The following LRRC4C variants were observed in gnomAD, a reference collection of about 807,000 sequenced individuals.
LRRC4C encodes leucine rich repeat containing 4C.
Under a neutral mutation model 33.6 loss-of-function variants are expected in LRRC4C, and 5 were observed. That is an observed-to-expected ratio of 0.15 (90% CI 0.08 to 0.31). The LOEUF (loss-of-function observed/expected upper bound fraction) is 0.31, where lower values mean the gene tolerates loss of function less well. Ranked by LOEUF, LRRC4C falls within the 10% of genes least tolerant of loss-of-function variation. The pLI is 1.00. For missense variants in LRRC4C, 560 were observed against 796.7 expected (o/e 0.70, Z 3.58); for synonymous variants, 329 against 302.0 (o/e 1.09, Z -0.93).
chr11:41,303,739 G>A (rs1382832528), intron 1 of LRRC4C, among the ~76,000 whole-genome samples: 3 of 9,478 alleles, frequency 3.2e-4, no homozygotes, highest in African/African-American at 4.6e-4. Flanking sequence ...CTGCCCCGCC[G>A]CCCCATCTGG....
intron 1 of LRRC4C, among the ~76,000 whole-genome samples, chr11:41,119,487 T>C (rs552487895): frequency 1.8e-4 from 28 of 152,320 alleles, no homozygotes; most frequent in Admixed American, 1.6e-3. Flanking sequence ...TCAATTTGCC[T>C]AAACCACTTA....
intron 1 of LRRC4C, among the ~76,000 whole-genome samples, chr11:41,458,410 C>T (rs1013112079): frequency 3.3e-5 from 5 of 152,026 alleles, no homozygotes; most frequent in African/African-American, 9.7e-5. Flanking sequence ...GATGCCAATG[C>T]AGAGATAAAA....
intron 2 of LRRC4C, among the ~76,000 whole-genome samples, chr11:40,810,820 C>T (rs1342660195): frequency 6.6e-6 from 1 of 152,140 alleles, no homozygotes; most frequent in African/African-American, 2.4e-5. Flanking sequence ...AATTGTTGTT[C>T]ACTACTGGGG....
In LRRC4C at chr11:40,594,937, A is replaced by G. The variant is rs556691652; in HGVS notation, c.-270+53205T>C. On this transcript the variant is annotated intron_variant, in intron 3 of 6. Transcript: ENST00000528697. ...ACACACACAAACACGCCATATGTACACAGATATAACACAAAAAGATTATAA... is the reference window on the plus strand; with the variant it reads ...ACACACACAAACACGCCATATGTACGCAGATATAACACAAAAAGATTATAA... Among the ~76,000 whole-genome samples, 7 of 152,298 alleles carry G rather than the reference A, an allele frequency of 4.6e-5. No individual in the cohort carries two copies. In the South Asian group the frequency reaches 1.4e-3, roughly 32 times the overall value.
At chr11:41,147,984 T>C (rs1443463142) in intron 1 of LRRC4C, among the ~76,000 whole-genome samples, 1 of 152,136 alleles carries the variant, frequency 6.6e-6, no homozygotes, top group Non-Finnish European at 1.5e-5. Flanking sequence ...CTCAGGTACT[T>C]GGGAGGCTGA....
chr11:40,298,542 C>G (rs1346780832), intron 4 of LRRC4C, among the ~76,000 whole-genome samples: 1 of 151,436 alleles, frequency 6.6e-6, no homozygotes, highest in African/African-American at 2.4e-5. Flanking sequence ...CCTTTTCAGG[C>G]TTCTGTGTGA....
At chr11:40,256,760 C>T (rs1166020895) in intron 4 of LRRC4C, among the ~76,000 whole-genome samples, 1 of 152,112 alleles carries the variant, frequency 6.6e-6, no homozygotes, top group Non-Finnish European at 1.5e-5. Flanking sequence ...CTTATCTTTA[C>T]AGCCAGAATC....
chr11:41,277,647 G>A (rs892194082), intron 1 of LRRC4C, among the ~76,000 whole-genome samples: 3 of 151,996 alleles, frequency 2.0e-5, no homozygotes, highest in African/African-American at 7.2e-5. Flanking sequence ...AGACTTCAGG[G>A]GAAAAACAAA....
chr11:40,310,618 A>G (rs1213879343), intron 4 of LRRC4C, among the ~76,000 whole-genome samples: 1 of 152,190 alleles, frequency 6.6e-6, no homozygotes, highest in African/African-American at 2.4e-5. Flanking sequence ...ATGAGCATGT[A>G]CTATGTGGCA....
intron 3 of LRRC4C, among the ~76,000 whole-genome samples, chr11:40,340,893 C>T (rs1946835926): frequency 6.6e-6 from 1 of 152,092 alleles, no homozygotes; most frequent in South Asian, 2.1e-4. Flanking sequence ...CATGTAGTCA[C>T]TTATCTACCA....
chr11:40,874,498 T>C (rs914256439), intron 2 of LRRC4C, among the ~76,000 whole-genome samples: 3 of 152,206 alleles, frequency 2.0e-5, no homozygotes, highest in African/African-American at 4.8e-5. Flanking sequence ...GGAATTATTT[T>C]CTCAGCTTTG....
intron 1 of LRRC4C, among the ~76,000 whole-genome samples, chr11:41,031,735 G>T (rs1856740715): frequency 6.6e-6 from 1 of 152,012 alleles, no homozygotes; most frequent in Non-Finnish European, 1.5e-5. Flanking sequence ...GGATTCAAAT[G>T]CCAGTTGGCA....
intron 5 of LRRC4C, among the ~76,000 whole-genome samples, chr11:40,146,634 A>T (rs1174471889): frequency 6.6e-6 from 1 of 152,174 alleles, no homozygotes; most frequent in African/African-American, 2.4e-5. Context: ...TCCTGACGGA[A>T]TGGCTTCTAA....
At chr11:41,437,893 C>T (rs1224968635) in intron 1 of LRRC4C, among the ~76,000 whole-genome samples, 2 of 151,948 alleles carry the variant, frequency 1.3e-5, no homozygotes, top group Non-Finnish European at 2.9e-5. Flanking sequence ...CAAAAATTAG[C>T]TGGGCGTGGT....
intron 1 of LRRC4C, among the ~76,000 whole-genome samples, chr11:41,093,939 A>C (rs1940617752): frequency 6.7e-6 from 1 of 150,052 alleles, no homozygotes; most frequent in Non-Finnish European, 1.5e-5. Context: ...AAAAAAAAAA[A>C]AAAAAAAAAA....
chr11:41,369,637 G>A (rs968287042), intron 1 of LRRC4C, among the ~76,000 whole-genome samples: 37 of 152,128 alleles, frequency 2.4e-4, no homozygotes, highest in African/African-American at 8.7e-4. Flanking sequence ...AAGTACATTA[G>A]TTTTGAGTAT....
At chr11:40,715,596 T>C (rs1216920290) in intron 2 of LRRC4C, among the ~76,000 whole-genome samples, 1 of 152,234 alleles carries the variant, frequency 6.6e-6, no homozygotes, top group African/African-American at 2.4e-5. Flanking sequence ...CTGACAAGAA[T>C]GTTCATAAGT....
chr11:40,490,105 C>G (rs1954070686), intron 3 of LRRC4C, among the ~76,000 whole-genome samples: 3 of 151,932 alleles, frequency 2.0e-5, no homozygotes, highest in Admixed American at 2.0e-4. Flanking sequence ...AGTGTATGTT[C>G]AATAAATTTG....
intron 2 of LRRC4C, among the ~76,000 whole-genome samples, chr11:40,701,244 C>G (rs1222651137): frequency 1.3e-5 from 2 of 152,122 alleles, no homozygotes; most frequent in Non-Finnish European, 2.9e-5. Context: ...TGTCATGTTT[C>G]CTTTCCGAAC....
Sources: allele counts gnomAD v4.1 joint callset (sites outside exome capture counted in the v4.1 genomes callset), GRCh38; gene constraint gnomAD v4.1.1; transcripts MANE v1.5; gene names NCBI Gene and HGNC (gene_info 2026-07-23, HGNC 2026-07-21).